LRGUK: variants seen among roughly 807,000 people sequenced by gnomAD.
LRGUK encodes the protein leucine rich repeats and guanylate kinase domain containing, also known as leucine-rich repeat and guanylate kinase domain-containing protein.
In LRGUK, 65 loss-of-function variants were observed where a neutral mutation model predicts 76.0. That is an observed-to-expected ratio of 0.85 (90% CI 0.70 to 1.05). The LOEUF (loss-of-function observed/expected upper bound fraction) is 1.05. Ranked by LOEUF, LRGUK falls within the 50% of genes least tolerant of loss-of-function variation. LRGUK has a pLI of 0.00. For missense variants in LRGUK, 758 were observed against 732.8 expected (o/e 1.03, Z -0.40); for synonymous variants, 268 against 265.6 (o/e 1.01, Z -0.09).
intron 11 of LRGUK, among the ~76,000 whole-genome samples, chr7:134,190,828 C>T (rs1053430731): frequency 1.8e-5 from 1 of 57,016 alleles, no homozygotes; most frequent in African/African-American, 5.6e-5. Context: ...CTTTAGGATT[C>T]ATATGTTCTG....
the LRGUK span, among the ~76,000 whole-genome samples, chr7:134,272,330 T>C: frequency 6.6e-6 from 1 of 152,172 alleles, no homozygotes; most frequent in East Asian, 1.9e-4. Context: ...CATTTTTTCC[T>C]ACTTATTCAT....
chr7:134,269,441 C>T (rs1339675563), downstream of LRGUK, among the ~76,000 whole-genome samples: 2 of 150,692 alleles, frequency 1.3e-5, no homozygotes, highest in Non-Finnish European at 2.9e-5. Flanking sequence ...CAGCCTTGAC[C>T]TCCTAAGCTC....
intron 19 of LRGUK, among the ~76,000 whole-genome samples, chr7:134,263,402 A>ACTGTGTGTGTGTGT (rs781544537): frequency 0.12 from 7,887 of 67,974 alleles, 579 homozygotes; most frequent in African/African-American, 0.23. Flanking sequence ...ACTTCACTTC[A>ACTGTGTGTGTGTGT]CTGTGTGTGT....
chr7:134,211,779 G>T (rs573698465), downstream of LRGUK, among the ~76,000 whole-genome samples: 49 of 152,060 alleles, frequency 3.2e-4, no homozygotes, highest in South Asian at 2.1e-4. Context: ...GGATTCTTTC[G>T]CTGGCAAATG....
At chr7:134,215,096 A>G (rs937121037), downstream of LRGUK, among the ~76,000 whole-genome samples, 1 of 152,170 alleles carries the variant, frequency 6.6e-6, no homozygotes, top group Non-Finnish European at 1.5e-5. Flanking sequence ...TAGTGCTTAG[A>G]AAATTATATG....
intron 16 of LRGUK, among the ~76,000 whole-genome samples, chr7:134,230,294 T>C (rs1472752954): frequency 6.6e-6 from 1 of 152,148 alleles, no homozygotes; most frequent in Non-Finnish European, 1.5e-5. Context: ...ATGCAAAATA[T>C]AATCGCAATG....
chr7:134,203,973 C>T (rs1001010529), intron 15 of LRGUK, among the ~76,000 whole-genome samples: 21 of 152,154 alleles, frequency 1.4e-4, no homozygotes, highest in African/African-American at 4.6e-4. Flanking sequence ...CTGTACCCTA[C>T]GTTACCCACC....
the LRGUK span, among the ~76,000 whole-genome samples, chr7:134,275,622 T>C: frequency 1.3e-5 from 2 of 152,194 alleles, no homozygotes; most frequent in Admixed American, 6.5e-5. Context: ...CTTGTTAATG[T>C]TGAAGTTTTT....
At chr7:134,194,384 A>T (rs1007333585) in intron 12 of LRGUK, among the ~76,000 whole-genome samples, 1 of 152,220 alleles carries the variant, frequency 6.6e-6, no homozygotes, top group South Asian at 2.1e-4. Context: ...TACATTTTGA[A>T]AACAGCGAGT....
rs542059624 is a variant in LRGUK at position 134,178,534 on chromosome 7, C to G, written c.1139C>G (p.Pro380Arg). Residue 380 changes from proline to arginine, a missense_variant, in exon 10 of 16, where the codon CCT (proline) becomes CGT (arginine). By Grantham distance (103) the Pro-to-Arg change is moderately radical (BLOSUM62 -2). Transcript: ENST00000645682. ...GCAGTGAATAAATATGATCCTCCCC[C>G]TGAAGTGGTTGCAGCTCAAGACCAC... The G allele has an allele frequency of 8.8e-5, 142 of 1,613,170 alleles. 1 individual carries two copies. In the South Asian group the frequency reaches 1.3e-3, roughly 14 times the overall value.
At chr7:134,182,819 T>C (rs1005887020) in intron 10 of LRGUK, among the ~76,000 whole-genome samples, 1 of 152,196 alleles carries the variant, frequency 6.6e-6, no homozygotes, top group Admixed American at 6.5e-5. Context: ...TGGAGTACAA[T>C]GGCGCCATCT....
chr7:134,153,214 TA>T (rs555466004), intron 5 of LRGUK, among the ~76,000 whole-genome samples: 2,708 of 152,064 alleles, frequency 0.018, 46 homozygotes, highest in Non-Finnish European at 0.026. Context: ...TATTTAAAAT[TA>T]AAAAAATCAG....
At chr7:134,155,093 A>C (rs1030075499) in intron 5 of LRGUK, among the ~76,000 whole-genome samples, 1 of 152,146 alleles carries the variant, frequency 6.6e-6, no homozygotes, top group Non-Finnish European at 1.5e-5. Flanking sequence ...GTACTCCTAA[A>C]ATAGGACTTA....
chr7:134,143,435 A>G (rs933927416), intron 4 of LRGUK, among the ~76,000 whole-genome samples: 22 of 152,194 alleles, frequency 1.4e-4, no homozygotes, highest in African/African-American at 5.1e-4. Flanking sequence ...CCTCATTTGA[A>G]TAGTAGTTAT....
rs146761109 is a variant in LRGUK at position 134,186,414 on chromosome 7, C to T, written c.1334+2561C>T. Among the ~76,000 whole-genome samples the T allele has an allele frequency of 5.8e-4, 88 of 152,280 alleles. 1 individual carries two copies. In the South Asian group the frequency reaches 0.017, roughly 29 times the overall value. ...TGTCTGTAGCCCATTGAGGGCAGGG[C>T]GCATGTCAGCCTTGTTCACCATTGA... On this transcript the variant is annotated intron_variant, in intron 11 of 15. Transcript: ENST00000645682.
At position 134,195,704 on chromosome 7, in the gene LRGUK, G is replaced by A. The variant is rs147837050; in HGVS notation, c.1432-1288G>A. 6.6e-3 allele frequency among the ~76,000 whole-genome samples: 1,004 copies of A among 152,176 alleles called. 12 individuals are homozygous for A. The highest frequency in any genetic ancestry group is 0.018 in the African/African-American group (735 of 41,496). On this transcript the variant is annotated intron_variant, in intron 12 of 15. Coordinates refer to ENST00000645682, the Ensembl canonical transcript of LRGUK. ...GCAGATGCAATAAACAAGATAAAGTGTCTATCTGAAAGGAGAGCCAGACAT... is the reference window on the plus strand; with the variant it reads ...GCAGATGCAATAAACAAGATAAAGTATCTATCTGAAAGGAGAGCCAGACAT...
chr7:134,177,992 T>C (rs1799553238), intron 9 of LRGUK, among the ~76,000 whole-genome samples: 1 of 152,194 alleles, frequency 6.6e-6, no homozygotes, highest in Admixed American at 6.5e-5. Flanking sequence ...TATCCTTGAA[T>C]GAACAAAGTT....
chr7:134,252,324 C>G (rs1802467246), intron 18 of LRGUK, among the ~76,000 whole-genome samples: 1 of 150,088 alleles, frequency 6.7e-6, no homozygotes, highest in African/African-American at 2.4e-5. Context: ...AGTGACAGAC[C>G]CTGTCTCAAA....
chr7:134,152,408 A>C (rs1190746418), intron 5 of LRGUK, among the ~76,000 whole-genome samples: 2 of 152,076 alleles, frequency 1.3e-5, no homozygotes, highest in African/African-American at 4.8e-5. Context: ...TCCCTGGATA[A>C]GAAGATGGGC....
Sources: allele counts gnomAD v4.1 joint callset (sites outside exome capture counted in the v4.1 genomes callset), GRCh38; gene constraint gnomAD v4.1.1; transcripts MANE v1.5; gene names NCBI Gene and HGNC (gene_info 2026-07-23, HGNC 2026-07-21).